Variants in CASR observed in about 807,000 individuals in gnomAD.
The protein encoded by CASR is extracellular calcium-sensing receptor.
Under a neutral mutation model 69.1 loss-of-function variants are expected in CASR, and 23 were observed. The observed-to-expected ratio is 0.33, with a 90% CI of 0.24 to 0.47. The LOEUF is 0.47. CASR is among the 20% of genes least tolerant of loss of function. CASR has a pLI of 1.00. For synonymous variants in CASR, 541 were observed against 544.7 expected, an observed-to-expected ratio of 0.99 and a Z score of 0.10; for missense variants, 924 against 1,356.1, an observed-to-expected ratio of 0.68 and a Z score of 5.00.
At chr3:122,207,940 T>A (rs950048183) in intron 1 of CASR, among the ~76,000 whole-genome samples, 5 of 152,140 alleles carry the variant, frequency 3.3e-5, no homozygotes, top group African/African-American at 1.2e-4. Context: ...TGAGAGTGGG[T>A]GTGAAAGTCC....
At chr3:122,258,263 A>G (rs2074578353) in intron 3 of CASR, among the ~76,000 whole-genome samples, 1 of 152,158 alleles carries the variant, frequency 6.6e-6, no homozygotes, top group African/African-American at 2.4e-5. Context: ...AAATTAAACT[A>G]TAAACTATAC....
Position 122,202,710 on chromosome 3 carries a change from T to C in CASR, c.-243+18898T>C, listed in dbSNP as rs1427599180. Among the ~76,000 whole-genome samples, 7 of 152,260 alleles carry C rather than the reference T, an allele frequency of 4.6e-5. No individual in the cohort carries two copies. In the East Asian group the frequency reaches 1.3e-3, roughly 29 times the overall value. On this transcript the variant is annotated intron_variant, in intron 1 of 6. Coordinates refer to ENST00000639785, the MANE Select transcript of CASR (RefSeq NM_000388.4). ...TCATTTTTTCTTTCACCTTTTGTGG[T>C]TTTTTTGCTAAGAAACCTTTCTTAA...
chr3:122,245,581 A>G (rs28626820), intron 1 of CASR: 2 of 152,096 alleles, frequency 1.3e-5, no homozygotes, highest in South Asian at 2.1e-4. Flanking sequence ...ACATGTATAC[A>G]TGTGTAACAA....
intron 1 of CASR, among the ~76,000 whole-genome samples, chr3:122,240,181 T>G (rs2074367261): frequency 6.6e-6 from 1 of 152,196 alleles, no homozygotes; most frequent in Non-Finnish European, 1.5e-5. Context: ...TTCCAATATG[T>G]CTGGCAGCAG....
intron 5 of CASR, among the ~76,000 whole-genome samples, chr3:122,280,298 C>A (rs1476595251): frequency 1.3e-5 from 2 of 152,184 alleles, no homozygotes; most frequent in Non-Finnish European, 2.9e-5. Context: ...TGAAAACTGG[C>A]ACAAGGATGC....
rs985078449 is a variant in CASR at position 122,195,102 on chromosome 3, T to G, written c.-243+11290T>G. On this transcript the variant is annotated intron_variant, in intron 1 of 6. Coordinates refer to ENST00000639785, the MANE Select transcript of CASR (RefSeq NM_000388.4). The stretch of plus-strand genomic sequence containing the variant: ...CTGAGGTTATTACTCCTATTATTAG[T>G]TGGGCAGTGTTATCAACCCACTATG... 2.0e-5 allele frequency among the ~76,000 whole-genome samples: 3 copies of G among 152,094 alleles called. No homozygotes were observed. In the East Asian group the frequency reaches 5.8e-4, roughly 29 times the overall value.
In CASR at chr3:122,284,105, G is replaced by A. The variant is rs747627445; in HGVS notation, c.2151G>A (p.Lys717=). ...AGATCCCCACCAGCTTCCACCGCAA[G>A]TGGTGGGGGCTCAACCTGCAGTTCC... The part of the protein sequence containing the change: ...EAKIPTSFHR[K]WWGLNLQFLL... Residue 717 remains lysine, a synonymous_variant, in exon 7 of 7, where the codon AAG becomes AAA. Transcript: ENST00000639785. 8 of 1,614,158 alleles carry A rather than the reference G, an allele frequency of 5.0e-6. No individual in the cohort carries two copies. The South Asian group carries it at 8.8e-5, about 18-fold the overall frequency.
rs998012311 is a variant in CASR, at chr3:122,262,208, C to T, written c.1173C>T (p.Phe391=). The change falls in exon 4 of 7, where the codon TTC becomes TTT. Residue 391 remains phenylalanine (F), a synonymous_variant. Coordinates refer to ENST00000639785, the MANE Select transcript of CASR (RefSeq NM_000388.4). ...GDRFSNSSTA[F]RPLCTGDENI... ...GGTTTAGCAACAGCTCGACAGCCTT[C>T]CGACCCCTCTGTACAGGGGATGAGA... 53 of 1,614,010 alleles carry T rather than the reference C, an allele frequency of 3.3e-5. No homozygotes were observed. Among genetic ancestry groups the T allele is most frequent in the Non-Finnish European group, 4.5e-5 (53 of 1,179,956 alleles).
intron 5 of CASR, among the ~76,000 whole-genome samples, chr3:122,281,085 C>A (rs927878734): frequency 3.9e-5 from 6 of 152,300 alleles, no homozygotes; most frequent in African/African-American, 1.2e-4. Context: ...AATGGTGAAG[C>A]AATGATAAAA....
chr3:122,236,274 C>T (rs753938404), intron 1 of CASR, among the ~76,000 whole-genome samples: 1 of 152,214 alleles, frequency 6.6e-6, no homozygotes, highest in Non-Finnish European at 1.5e-5. Flanking sequence ...TCCAGAACAG[C>T]TTCAGGTGTC....
intron 1 of CASR, among the ~76,000 whole-genome samples, chr3:122,186,196 A>C (rs1008442704): frequency 1.3e-5 from 2 of 152,234 alleles, no homozygotes; most frequent in Non-Finnish European, 2.9e-5. Flanking sequence ...TAGGTACTCC[A>C]GTCTCCACAT....
intron 3 of CASR, among the ~76,000 whole-genome samples, chr3:122,258,386 G>A (rs1399338008): frequency 3.0e-5 from 3 of 101,044 alleles, no homozygotes; most frequent in Non-Finnish European, 3.8e-5. Flanking sequence ...TTTGGTGATT[G>A]CCATTATCTC....
chr3:122,213,929 C>T (rs1439130422), intron 1 of CASR, among the ~76,000 whole-genome samples: 1 of 152,246 alleles, frequency 6.6e-6, no homozygotes, highest in Admixed American at 6.5e-5. Flanking sequence ...ATTGTCTCTT[C>T]TAACCAGGAT....
chr3:122,283,521 G>T lies in CASR; in HGVS notation c.1733-166G>T, dbSNP rs1013721759. The stretch of plus-strand genomic sequence containing the variant: ...TAACCATGTTATTAAACATGTCGGG[G>T]TTCAGCATATTTTTGATAATGTAAA... On this transcript the variant is annotated intron_variant, in intron 6 of 6. Transcript: ENST00000639785. Among the ~76,000 whole-genome samples, 5 of 152,246 alleles carry T rather than the reference G, an allele frequency of 3.3e-5. No homozygotes were observed. The East Asian group carries it at 5.8e-4, about 18-fold the overall frequency.
intron 1 of CASR, among the ~76,000 whole-genome samples, chr3:122,186,052 A>C (rs945142006): frequency 5.3e-5 from 8 of 152,138 alleles, no homozygotes; most frequent in African/African-American, 1.9e-4. Context: ...AGTGAAAAAA[A>C]AAAATCAGCA....
intron 4 of CASR, among the ~76,000 whole-genome samples, chr3:122,271,758 A>G (rs901236503): frequency 1.3e-4 from 20 of 152,188 alleles, no homozygotes; most frequent in African/African-American, 4.6e-4. Flanking sequence ...GTCACTCCCT[A>G]GGCCCCCAAA....
chr3:122,218,133 G>C (rs1334845753), intron 1 of CASR, among the ~76,000 whole-genome samples: 1 of 151,988 alleles, frequency 6.6e-6, no homozygotes, highest in Non-Finnish European at 1.5e-5. Context: ...ATTGGAGGGG[G>C]GCCCAAGTGG....
intron 4 of CASR, among the ~76,000 whole-genome samples, chr3:122,271,950 A>C (rs2074762937): frequency 6.6e-6 from 1 of 152,126 alleles, no homozygotes. Flanking sequence ...CATTGTGTGG[A>C]TATACCACAT....
At chr3:122,195,531 TGGAACACTAGGGGAAAA>T (rs2073881328) in intron 1 of CASR, among the ~76,000 whole-genome samples, 1 of 152,222 alleles carries the variant, frequency 6.6e-6, no homozygotes, top group Non-Finnish European at 1.5e-5. Flanking sequence ...GTTTTCATAG[TGGAACACTAGGGGAAAA>T]AATTATCCCG....
Sources: allele counts gnomAD v4.1 joint callset (sites outside exome capture counted in the v4.1 genomes callset), GRCh38; gene constraint gnomAD v4.1.1; transcripts MANE v1.5; gene names NCBI Gene and HGNC (gene_info 2026-07-23, HGNC 2026-07-21).